RBM19: variants seen among roughly 807,000 people sequenced by gnomAD.
RBM19 encodes the protein RNA binding motif protein 19.
RBM19 carries 94 observed loss-of-function variants against 116.8 expected under a neutral mutation model. That is an observed-to-expected ratio of 0.80 (90% CI 0.68 to 0.95). The LOEUF (loss-of-function observed/expected upper bound fraction) is 0.95. Ranked by LOEUF, RBM19 falls within the 40% of genes least tolerant of loss-of-function variation. The probability of loss-of-function intolerance (pLI) is 0.00; values close to 1 mark genes in which losing one functional copy is unlikely to be tolerated. For synonymous variants in RBM19, 475 were observed against 494.1 expected (o/e 0.96, Z 0.51); for missense variants, 1,161 against 1,220.7 (o/e 0.95, Z 0.73).
chr12:113,947,285 G>A lies in RBM19; in HGVS notation c.1407+49C>T, dbSNP rs757988194. Reference sequence around the variant, plus strand: ...ACACACACACACACCAGCCTTTCCCGACCATGTGAGCCCCACAGCCTCCTG... The same window carrying A: ...ACACACACACACACCAGCCTTTCCCAACCATGTGAGCCCCACAGCCTCCTG... On this transcript the variant is annotated intron_variant, in intron 11 of 23. Coordinates refer to ENST00000261741, the MANE Select transcript of RBM19 (RefSeq NM_016196.4). The A allele has an allele frequency of 3.8e-5, 58 of 1,531,772 alleles. No homozygotes were observed. In the Middle Eastern group the frequency reaches 7.0e-4, roughly 19 times the overall value. The allele number at this position is 1,531,772 out of a possible 1,614,324, so 94.9% of individuals were successfully genotyped here. A position where few individuals can be genotyped will look rare whatever the true frequency, so the allele number is the denominator to read the frequency against.
rs1565965004 is a variant in RBM19, at chr12:113,837,092, TA to T, written c.2785+7575del. On this transcript the variant is annotated intron_variant, in intron 23 of 23. Transcript: ENST00000261741. ...TCCCCCTACTTACTACATACATACA[TA>T]CATACATACATACATACACACACAC... is the stretch of plus-strand genomic sequence containing the variant. Among the ~76,000 whole-genome samples, 140 of 131,362 alleles carry T rather than the reference TA, an allele frequency of 1.1e-3. 1 individual carries two copies. Among genetic ancestry groups the T allele is most frequent in the African/African-American group, 4.4e-3 (136 of 31,178 alleles). 86.2% of individuals were successfully genotyped at this position (131,362 alleles called of 152,430 possible).
At chr12:113,856,638 T>C (rs1437579971) in intron 22 of RBM19, among the ~76,000 whole-genome samples, 1 of 152,210 alleles carries the variant, frequency 6.6e-6, no homozygotes, top group Non-Finnish European at 1.5e-5. Flanking sequence ...CCCATTGGGC[T>C]TTAAATTTAA....
At chr12:113,948,204 C>T (rs544944410) in intron 10 of RBM19, among the ~76,000 whole-genome samples, 9 of 152,190 alleles carry the variant, frequency 5.9e-5, no homozygotes, top group Non-Finnish European at 1.2e-4. Flanking sequence ...GGAGACACTG[C>T]GGGGATCTCA....
intron 22 of RBM19, among the ~76,000 whole-genome samples, chr12:113,854,788 G>A (rs1293802401): frequency 1.3e-5 from 2 of 152,156 alleles, no homozygotes; most frequent in Non-Finnish European, 2.9e-5. Context: ...AGGGCTCCAC[G>A]GTGGCTTCAG....
At chr12:113,833,978 T>C (rs1430060072) in intron 23 of RBM19, among the ~76,000 whole-genome samples, 2 of 152,164 alleles carry the variant, frequency 1.3e-5, no homozygotes, top group African/African-American at 4.8e-5. Flanking sequence ...ACTCCTAGGC[T>C]CAAGTGATCC....
chr12:113,857,008 C>G (rs1877962774), intron 22 of RBM19, among the ~76,000 whole-genome samples: 1 of 152,242 alleles, frequency 6.6e-6, no homozygotes, highest in Non-Finnish European at 1.5e-5. Context: ...ATTGTAACAA[C>G]AAGCTCTTGC....
chr12:113,940,740 CAG>C (rs1870505062), intron 14 of RBM19, among the ~76,000 whole-genome samples: 2 of 152,202 alleles, frequency 1.3e-5, no homozygotes. Context: ...CCTTTCTCAC[CAG>C]AGTTTTCTGC....
At chr12:113,839,240 T>C (rs1876241210) in intron 23 of RBM19, among the ~76,000 whole-genome samples, 1 of 152,242 alleles carries the variant, frequency 6.6e-6, no homozygotes, top group South Asian at 2.1e-4. Flanking sequence ...TTTTTCTCCA[T>C]GGGAAAAGGG....
At chr12:113,921,319 T>C (rs1868538983) in intron 18 of RBM19, among the ~76,000 whole-genome samples, 1 of 152,192 alleles carries the variant, frequency 6.6e-6, no homozygotes, top group Admixed American at 6.5e-5. Flanking sequence ...GGAGTGTTTT[T>C]ATAGGGCACT....
intron 3 of RBM19, 21 bp downstream of exon 3, chr12:113,960,038 C>T: frequency 6.2e-7 from 1 of 1,614,184 alleles, no homozygotes; most frequent in Non-Finnish European, 8.5e-7. Flanking sequence ...GGGACAGAGG[C>T]TAGAGTGACC....
intron 8 of RBM19, among the ~76,000 whole-genome samples, chr12:113,950,520 C>G (rs908962817): frequency 6.6e-6 from 1 of 152,180 alleles, no homozygotes; most frequent in African/African-American, 2.4e-5. Flanking sequence ...CACCTAGGCG[C>G]TGGAAGCACC....
At chr12:113,965,293 C>CA (rs1872780178) in intron 1 of RBM19, among the ~76,000 whole-genome samples, 1 of 119,556 alleles carries the variant, frequency 8.4e-6, no homozygotes, top group Non-Finnish European at 1.8e-5. Flanking sequence ...AAAAAAAAAA[C>CA]AAAAAAAGAA....
In RBM19 at chr12:113,869,732, C is replaced by T. The variant is rs539433864; in HGVS notation, c.2559-10836G>A. Among the ~76,000 whole-genome samples the T allele has an allele frequency of 3.9e-5, 6 of 152,210 alleles. No individual in the cohort carries two copies. The South Asian group carries it at 1.2e-3, about 32-fold the overall frequency. On this transcript the variant is annotated intron_variant, in intron 21 of 23. Transcript: ENST00000261741. ...AAAATTAAAGAGGAAAAAAAAAACC[C>T]AGCCGTTTGCTTGTTATCTTAAAAA...
At position 113,915,615 on chromosome 12, in the gene RBM19, C is replaced by T. The variant is rs114893488; in HGVS notation, c.2442-530G>A. Among the ~76,000 whole-genome samples the T allele has an allele frequency of 4.9e-3, 749 of 152,258 alleles. 3 individuals carry two copies. Among genetic ancestry groups the T allele is most frequent in the African/African-American group, 0.016 (678 of 41,536 alleles). ...TCTCCCAGGGAAACCTCCCACTCCA[C>T]CAAAACAGGGTAGGGAAGTGAGCAA... On this transcript the variant is annotated intron_variant, in intron 20 of 23. Transcript: ENST00000261741.
chr12:113,904,606 G>C (rs1297761350), intron 21 of RBM19, among the ~76,000 whole-genome samples: 1 of 152,170 alleles, frequency 6.6e-6, no homozygotes, highest in Non-Finnish European at 1.5e-5. Flanking sequence ...GCAGCAGCGA[G>C]GACCATCAAT....
In RBM19 at chr12:113,948,989, T is replaced by C; in HGVS notation, c.1120A>G (p.Lys374Glu). Residue 374 changes from lysine to glutamate, a missense_variant, in exon 10 of 24, where the codon AAG (lysine) becomes GAG (glutamate). Physicochemically the swap from Lys to Glu is moderately conservative, Grantham distance 56. Transcript: ENST00000261741. ...VFREKNVPTT[K>E]GAPKNTTKSW... ...TTGGTGGTATTCTTTGGTGCACCCT[T>C]GGTGGTGGGGACGTTCTTTTCCCTG... 1 of 1,614,172 alleles carries C rather than the reference T, an allele frequency of 6.2e-7. No homozygotes were observed. The highest frequency in any genetic ancestry group is 8.5e-7 in the Non-Finnish European group (1 of 1,180,004).
At position 113,950,067 on chromosome 12, in the gene RBM19, G is replaced by A. The variant is rs1871342280; in HGVS notation, c.1072+16C>T. Reference sequence around the variant, plus strand: ...CGCTGTAACACAGAGAGAGCACATGGCCAGGGCTTCCTTACCCATGTACTC... The same window carrying A: ...CGCTGTAACACAGAGAGAGCACATGACCAGGGCTTCCTTACCCATGTACTC... On this transcript the variant is annotated intron_variant, in intron 9 of 23. Coordinates refer to ENST00000261741, the MANE Select transcript of RBM19 (RefSeq NM_016196.4). 1.3e-6 allele frequency: 2 copies of A among 1,582,750 alleles called. No individual in the cohort carries two copies. Among genetic ancestry groups the A allele is most frequent in the Middle Eastern group, 1.7e-4 (1 of 6,024 alleles).
chr12:113,930,885 T>C (rs1430000006), intron 16 of RBM19, among the ~76,000 whole-genome samples: 13 of 152,194 alleles, frequency 8.5e-5, no homozygotes, highest in Admixed American at 7.9e-4. Flanking sequence ...GTCCCAGCCC[T>C]GCCACAACCT....
At chr12:113,934,028 T>C (rs936559035) in intron 16 of RBM19, among the ~76,000 whole-genome samples, 1 of 152,230 alleles carries the variant, frequency 6.6e-6, no homozygotes, top group African/African-American at 2.4e-5. Flanking sequence ...CTCGGCTCAC[T>C]GCAGCCTCCA....
Sources: allele counts gnomAD v4.1 joint callset (sites outside exome capture counted in the v4.1 genomes callset), GRCh38; gene constraint gnomAD v4.1.1; transcripts MANE v1.5; gene names NCBI Gene and HGNC (gene_info 2026-07-23, HGNC 2026-07-21).